HTR4: variants seen among roughly 807,000 people sequenced by gnomAD.
The protein encoded by HTR4 is 5-hydroxytryptamine receptor 4, also known as 5-hydroxytryptamine (serotonin) receptor 4, G protein-coupled.
HTR4 carries 16 observed loss-of-function variants against 36.8 expected under a neutral mutation model. That is an observed-to-expected ratio of 0.43 (90% CI 0.29 to 0.66). The LOEUF (loss-of-function observed/expected upper bound fraction) is 0.66, where lower values mean the gene tolerates loss of function less well. Among genes scored for constraint, HTR4 ranks in the 30% least tolerant of loss-of-function variants. HTR4 has a pLI of 0.13. For synonymous variants in HTR4, 189 were observed against 185.1 expected, an observed-to-expected ratio of 1.02 and a Z score of -0.17; for missense variants, 438 against 490.9, an observed-to-expected ratio of 0.89 and a Z score of 1.02.
chr5:148,490,648 T>A, intron 6 of HTR4: 1 of 1,177,250 alleles, frequency 8.5e-7, no homozygotes, highest in Non-Finnish European at 1.1e-6. Context: ...TTCCAGTTAC[T>A]GATATTCGGT....
intron 5 of HTR4, among the ~76,000 whole-genome samples, chr5:148,469,306 A>G (rs994553121): frequency 1.3e-5 from 2 of 152,176 alleles, no homozygotes; most frequent in East Asian, 3.8e-4. Flanking sequence ...AGCTTTTTTT[A>G]TAGTCATCAG....
intron 5 of HTR4, among the ~76,000 whole-genome samples, chr5:148,460,844 C>T (rs1755259663): frequency 6.6e-6 from 1 of 152,062 alleles, no homozygotes; most frequent in Non-Finnish European, 1.5e-5. Flanking sequence ...TTATGCTCCT[C>T]AATGGAGTTA....
chr5:148,582,148 T>A (rs1761160254), intron 2 of HTR4, among the ~76,000 whole-genome samples: 3 of 152,108 alleles, frequency 2.0e-5, no homozygotes, highest in South Asian at 4.1e-4. Context: ...AAAGAATAGA[T>A]ATGCAACTCA....
Position 148,622,843 on chromosome 5 carries a change from C to A in HTR4, c.26+14146G>T, listed in dbSNP as rs368371342. On this transcript the variant is annotated intron_variant, in intron 2 of 6. Transcript: ENST00000377888. ...TAGCCAGAATTGTTATCTCACACTC[C>A]TTTTTAACCACAAACAGCCATACAT... Among the ~76,000 whole-genome samples, 6 of 152,142 alleles carry A rather than the reference C, an allele frequency of 3.9e-5. No homozygotes were observed. In the East Asian group the frequency reaches 1.2e-3, roughly 29 times the overall value.
At chr5:148,506,301 T>A (rs577588686) in intron 6 of HTR4, among the ~76,000 whole-genome samples, 14 of 152,282 alleles carry the variant, frequency 9.2e-5, no homozygotes, top group Admixed American at 7.8e-4. Context: ...TAAATGGTGC[T>A]GGGAAAACTG....
At chr5:148,595,156 T>C (rs1411293462) in intron 2 of HTR4, among the ~76,000 whole-genome samples, 1 of 151,866 alleles carries the variant, frequency 6.6e-6, no homozygotes, top group Admixed American at 6.6e-5. Flanking sequence ...AGCAAAATCC[T>C]CTTTAGCTAA....
At chr5:148,584,278 C>CA (rs1424088844) in intron 2 of HTR4, among the ~76,000 whole-genome samples, 7 of 152,032 alleles carry the variant, frequency 4.6e-5, no homozygotes, top group East Asian at 1.9e-4. Flanking sequence ...AGCTTTCCCC[C>CA]AAAAAAGGAT....
At chr5:148,620,475 T>G (rs1048446418) in intron 2 of HTR4, among the ~76,000 whole-genome samples, 1 of 152,212 alleles carries the variant, frequency 6.6e-6, no homozygotes, top group Non-Finnish European at 1.5e-5. Context: ...CGTTTAGTTA[T>G]TTAACACCTG....
chr5:148,601,366 T>A (rs1333247619), intron 2 of HTR4, among the ~76,000 whole-genome samples: 1 of 151,906 alleles, frequency 6.6e-6, no homozygotes, highest in African/African-American at 2.4e-5. Context: ...GAAATCAGAG[T>A]CTCGAAGAAA....
Position 148,451,687 on chromosome 5 carries a change from A to G in HTR4, c.1077-415T>C, listed in dbSNP as rs138868407. Reference sequence around the variant, plus strand: ...GGGTTCTGACTGCTGATTGAGATGAATAAACCACTCAGAGCCTGAAATACA... The same window carrying G: ...GGGTTCTGACTGCTGATTGAGATGAGTAAACCACTCAGAGCCTGAAATACA... On this transcript the variant is annotated intron_variant, in intron 5 of 5. Coordinates refer to the HTR4 transcript ENST00000521530. Among the ~76,000 whole-genome samples, 657 of 152,294 alleles carry G rather than the reference A, an allele frequency of 4.3e-3. 6 individuals carry two copies. The highest frequency in any genetic ancestry group is 6.4e-3 in the Non-Finnish European group (435 of 68,006).
chr5:148,585,407 C>T (rs1318480289), intron 2 of HTR4, among the ~76,000 whole-genome samples: 1 of 152,120 alleles, frequency 6.6e-6, no homozygotes, highest in Non-Finnish European at 1.5e-5. Flanking sequence ...GCCTTAGAAT[C>T]CTAGAACGCT....
intron 2 of HTR4, among the ~76,000 whole-genome samples, chr5:148,575,387 G>A (rs561050178): frequency 6.6e-6 from 1 of 151,916 alleles, no homozygotes; most frequent in Non-Finnish European, 1.5e-5. Context: ...AATTAAATGA[G>A]TAAAACATGA....
intron 2 of HTR4, among the ~76,000 whole-genome samples, chr5:148,573,244 G>A (rs139015174): frequency 4.1e-3 from 625 of 152,214 alleles, no homozygotes; most frequent in African/African-American, 0.014. Context: ...GCTGTATTGA[G>A]AAGGTTTCTG....
intron 2 of HTR4, among the ~76,000 whole-genome samples, chr5:148,609,581 GTTT>G (rs5872086): frequency 7.0e-6 from 1 of 143,330 alleles, no homozygotes. Flanking sequence ...ATTTTTAAGG[GTTT>G]TTTTTTTTTT....
intron 1 of HTR4, among the ~76,000 whole-genome samples, chr5:148,640,502 C>T (rs934489501): frequency 8.5e-5 from 13 of 152,124 alleles, no homozygotes; most frequent in African/African-American, 1.9e-4. Flanking sequence ...TCATTGCCAC[C>T]CCATGGGAGG....
chr5:148,625,763 T>A (rs1753080042), intron 2 of HTR4, among the ~76,000 whole-genome samples: 1 of 152,104 alleles, frequency 6.6e-6, no homozygotes. Flanking sequence ...GTATTTTTAG[T>A]AGAGATGGGG....
At chr5:148,487,818 G>T (rs561916478) in intron 6 of HTR4, among the ~76,000 whole-genome samples, 10 of 152,258 alleles carry the variant, frequency 6.6e-5, no homozygotes, top group Admixed American at 5.9e-4. Context: ...GGTCAGAGGG[G>T]CCAGAGATAG....
At chr5:148,487,138 A>G (rs1160413731) in intron 6 of HTR4, among the ~76,000 whole-genome samples, 1 of 152,224 alleles carries the variant, frequency 6.6e-6, no homozygotes, top group African/African-American at 2.4e-5. Flanking sequence ...CAAATCTGTA[A>G]GGCAAGAAGG....
At chr5:148,451,089 C>A in exon 6 of HTR4, 1 of 1,585,012 alleles carries the variant, frequency 6.3e-7, no homozygotes, top group Non-Finnish European at 8.6e-7. Flanking sequence ...CCTGATGCCT[C>A]ACTGGTGGTG....
Sources: gnomAD v4.1 joint callset for allele counts (sites outside exome capture counted in the v4.1 genomes callset) on GRCh38, gnomAD v4.1.1 for gene constraint, MANE v1.5 for transcripts, NCBI Gene and HGNC (gene_info 2026-07-23, HGNC 2026-07-21) for gene names.